The following GPC3 variants were observed in gnomAD, a reference collection of about 807,000 sequenced individuals.
GPC3 encodes the protein glypican 3.
In GPC3, 3 loss-of-function variants were observed where a neutral mutation model predicts 34.4. The ratio of observed to expected loss-of-function variants is 0.09; its 90% CI spans 0.04 to 0.23. The LOEUF (loss-of-function observed/expected upper bound fraction) is 0.23. Ranked by LOEUF, GPC3 falls within the 10% of genes least tolerant of loss-of-function variation. The probability of loss-of-function intolerance (pLI) is 1.00; values close to 1 mark genes in which losing one functional copy is unlikely to be tolerated. For synonymous variants in GPC3, 177 were observed against 174.0 expected (o/e 1.02, Z -0.13); for missense variants, 351 against 445.6 (o/e 0.79, Z 1.91).
At chrX:133,635,241 T>G (rs939300330) in intron 6 of GPC3, among the ~76,000 whole-genome samples, 1 of 111,546 alleles carries the variant, frequency 9.0e-6, no homozygotes, top group Non-Finnish European at 1.9e-5. Context: ...CTTTTACCTA[T>G]GCAAAATACT....
chrX:133,660,096 G>C (rs765506886), intron 6 of GPC3, among the ~76,000 whole-genome samples: 1 of 112,010 alleles, frequency 8.9e-6, no homozygotes, highest in Non-Finnish European at 1.9e-5. Context: ...TGCTCACTGA[G>C]TACAGAGCAC....
intron 2 of GPC3, among the ~76,000 whole-genome samples, chrX:133,867,112 C>A (rs1475159922): frequency 9.1e-6 from 1 of 110,297 alleles, no homozygotes; most frequent in Non-Finnish European, 1.9e-5. Flanking sequence ...GCAGGAGAAT[C>A]ACTTGAACCC....
chrX:133,679,261 C>A (rs923266862), intron 5 of GPC3, among the ~76,000 whole-genome samples: 3 of 111,447 alleles, frequency 2.7e-5, no homozygotes, highest in Non-Finnish European at 5.6e-5. Flanking sequence ...GTGTTGATTA[C>A]CCAATGTTCC....
In GPC3 at chrX:133,628,133, T is replaced by C. The variant is rs780104102; in HGVS notation, c.1414-31534A>G. On this transcript the variant is annotated intron_variant, in intron 6 of 7. Transcript: ENST00000370818. Reference sequence around the variant, plus strand: ...TAACCCCTCCATTCAGAGGTCGTTGTTTAGCTATCCTAAAAAAACTAGACT... The same window carrying C: ...TAACCCCTCCATTCAGAGGTCGTTGCTTAGCTATCCTAAAAAAACTAGACT... Among the ~76,000 whole-genome samples, 40 of 112,242 alleles carry C rather than the reference T, an allele frequency of 3.6e-4. No individual in the cohort carries two copies. In the South Asian group the frequency reaches 0.013, roughly 38 times the overall value.
chrX:133,638,856 T>C (rs1015421073), intron 6 of GPC3, among the ~76,000 whole-genome samples: 46 of 102,941 alleles, frequency 4.5e-4, no homozygotes, highest in Non-Finnish European at 8.5e-4. Context: ...CGCAAAGAAA[T>C]CTCATAATGT....
chrX:133,712,052 A>G (rs1330001132), intron 3 of GPC3, among the ~76,000 whole-genome samples: 2 of 112,561 alleles, frequency 1.8e-5, no homozygotes, highest in African/African-American at 6.4e-5. Context: ...TGGACGTATT[A>G]TACAATAAGA....
At chrX:133,935,807 G>A (rs2076320890) in intron 2 of GPC3, among the ~76,000 whole-genome samples, 1 of 111,225 alleles carries the variant, frequency 9.0e-6, no homozygotes, top group African/African-American at 3.3e-5. Context: ...GACTATATAT[G>A]TTATACTATG....
intron 7 of GPC3, among the ~76,000 whole-genome samples, chrX:133,590,237 C>T (rs2069834525): frequency 1.8e-5 from 2 of 111,601 alleles, no homozygotes; most frequent in African/African-American, 6.5e-5. Flanking sequence ...ACCTTCATCT[C>T]GGACTTCCCA....
chrX:133,751,119 A>AAATAAAT (rs2071664463), intron 3 of GPC3, among the ~76,000 whole-genome samples: 2 of 108,771 alleles, frequency 1.8e-5, no homozygotes, highest in East Asian at 5.7e-4. Flanking sequence ...ATAAATAAAT[A>AAATAAAT]AATAAAAGCA....
intron 2 of GPC3, among the ~76,000 whole-genome samples, chrX:133,804,350 A>C (rs1372963092): frequency 9.0e-6 from 1 of 110,847 alleles, no homozygotes; most frequent in Non-Finnish European, 1.9e-5. Context: ...CTGAATCAGA[A>C]TCTCCAAAGG....
intron 6 of GPC3, among the ~76,000 whole-genome samples, chrX:133,625,516 C>T (rs2085666107): frequency 2.7e-5 from 3 of 111,597 alleles, no homozygotes; most frequent in Non-Finnish European, 5.6e-5. Flanking sequence ...TTCTTATACA[C>T]CAATAACAGA....
chrX:133,820,653 G>A (rs2124535013), intron 2 of GPC3, among the ~76,000 whole-genome samples: 1 of 111,646 alleles, frequency 9.0e-6, no homozygotes, highest in Non-Finnish European at 1.9e-5. Context: ...ATAAGTTTGG[G>A]TAGAGAAAAT....
chrX:133,920,564 G>A, intron 2 of GPC3, among the ~76,000 whole-genome samples: 1 of 111,503 alleles, frequency 9.0e-6, no homozygotes. Flanking sequence ...TCACATTTAG[G>A]TGAGCTTTTA....
At chrX:133,744,283 C>T (rs5933343) in intron 3 of GPC3, among the ~76,000 whole-genome samples, 25,166 of 111,052 alleles carry the variant, frequency 0.23, 3,042 homozygotes, top group East Asian at 0.53. Flanking sequence ...TGCTAATATC[C>T]GGAATCTACA....
chrX:133,581,506 T>A lies in GPC3; in HGVS notation c.1573+14934A>T, dbSNP rs189454564. Among the ~76,000 whole-genome samples, 445 of 112,530 alleles carry A rather than the reference T, an allele frequency of 4.0e-3. 4 individuals carry two copies. Among genetic ancestry groups the A allele is most frequent in the African/African-American group, 0.013 (415 of 31,045 alleles). On this transcript the variant is annotated intron_variant, in intron 7 of 7. Transcript: ENST00000370818. ...GGCTCTCAAAAAAAGGAAGTATGCA[T>A]GTCAGCTTATTTTTAATTTTATTGG...
chrX:133,934,712 G>A (rs914832464), intron 2 of GPC3, among the ~76,000 whole-genome samples: 1 of 104,819 alleles, frequency 9.5e-6, no homozygotes, highest in African/African-American at 3.5e-5. Context: ...TTATAGAGAC[G>A]GGGTTTCGCC....
At chrX:133,954,830 C>T in intron 1 of GPC3, among the ~76,000 whole-genome samples, 1 of 104,014 alleles carries the variant, frequency 9.6e-6, no homozygotes, top group East Asian at 3.1e-4. Flanking sequence ...TCACAGCAAC[C>T]TCCACCTCCC....
chrX:133,539,558 T>C (rs750356920), intron 7 of GPC3, among the ~76,000 whole-genome samples: 154 of 112,345 alleles, frequency 1.4e-3, no homozygotes, highest in African/African-American at 4.4e-3. Context: ...TCTATTTCCC[T>C]GAAGAAATCA....
intron 7 of GPC3, among the ~76,000 whole-genome samples, chrX:133,568,289 T>C (rs1230370711): frequency 9.0e-6 from 1 of 111,647 alleles, no homozygotes; most frequent in Non-Finnish European, 1.9e-5. Context: ...ACTAAAGGGG[T>C]ACCTATTTAC....
Sources: gnomAD v4.1 joint callset for allele counts (sites outside exome capture counted in the v4.1 genomes callset) on GRCh38, gnomAD v4.1.1 for gene constraint, MANE v1.5 for transcripts, NCBI Gene and HGNC (gene_info 2026-07-23, HGNC 2026-07-21) for gene names.